TENT5B: variants seen among roughly 807,000 people sequenced by gnomAD.
The protein encoded by TENT5B is terminal nucleotidyltransferase 5B, also known as family with sequence similarity 46 member B.
In TENT5B, 12 loss-of-function variants were observed where a neutral mutation model predicts 21.7. The observed-to-expected ratio is 0.55, with a 90% CI of 0.36 to 0.90. The LOEUF (loss-of-function observed/expected upper bound fraction) is 0.90, where lower values mean the gene tolerates loss of function less well. Among genes scored for constraint, TENT5B ranks in the 40% least tolerant of loss-of-function variants. TENT5B has a pLI of 0.01. For synonymous variants in TENT5B, 262 were observed against 266.6 expected, an observed-to-expected ratio of 0.98 and a Z score of 0.17; for missense variants, 540 against 601.5, an observed-to-expected ratio of 0.90 and a Z score of 1.07.
At chr1:27,007,840 A>G (rs1482705157) in intron 1 of TENT5B, among the ~76,000 whole-genome samples, 1 of 152,138 alleles carries the variant, frequency 6.6e-6, no homozygotes, top group African/African-American at 2.4e-5. Flanking sequence ...TTTGAGTATT[A>G]TTTTGACTGA....
chr1:27,008,906 CTTT>C (rs71582831), intron 1 of TENT5B, among the ~76,000 whole-genome samples: 1 of 124,906 alleles, frequency 8.0e-6, no homozygotes, highest in South Asian at 2.7e-4. Context: ...CAGGCCAAGT[CTTT>C]TTTTTTTTAA....
chr1:27,007,808 T>C (rs1008810356), intron 1 of TENT5B, among the ~76,000 whole-genome samples: 5 of 152,162 alleles, frequency 3.3e-5, no homozygotes, highest in Admixed American at 2.0e-4. Flanking sequence ...ATGACCACAT[T>C]AACCCTCCCC....
In TENT5B at chr1:27,009,117, C is replaced by A. The variant is rs925770011; in HGVS notation, c.265-2160G>T. Among the ~76,000 whole-genome samples the A allele has an allele frequency of 2.0e-5, 3 of 149,670 alleles. No homozygotes were observed. In the Admixed American group the frequency reaches 2.0e-4, roughly 10 times the overall value. ...AAGTAGGTGGGACTACAGGTGCGTGCGTGCCACCACACCCAGCAATTTTTT... is the reference window on the plus strand; with the variant it reads ...AAGTAGGTGGGACTACAGGTGCGTGAGTGCCACCACACCCAGCAATTTTTT... On this transcript the variant is annotated intron_variant, in intron 1 of 1. Coordinates refer to ENST00000289166, the MANE Select transcript of TENT5B (RefSeq NM_052943.4).
Position 27,006,987 on chromosome 1 carries a change from C to CA in TENT5B, c.265-31dup. ...AGGGGAGAGCAGGAAGGAGAGGTGT[C>CA]AGGAGCGGGCCTCAGGGGTCCACCA... On this transcript the variant is annotated intron_variant, in intron 1 of 1. Transcript: ENST00000289166. The surrounding 1 kb of genome is among the most constrained non-coding windows in gnomAD (Gnocchi z 9.4). 6.5e-7 allele frequency: 1 copy of CA among 1,543,346 alleles called. No homozygotes were observed. Among genetic ancestry groups the CA allele is most frequent in the South Asian group, 1.3e-5 (1 of 79,674 alleles).
At chr1:27,007,069 G>T in intron 1 of TENT5B, 112 bp from the exon 2 acceptor site, 2 of 425,706 alleles carry the variant, frequency 4.7e-6, no homozygotes, top group Non-Finnish European at 6.2e-6. Context: ...CTAACCAGCT[G>T]TTATGCCTTT....
rs761222752 is a variant in TENT5B, at chr1:27,007,006, T to C, written c.265-49A>G. The C allele has an allele frequency of 1.2e-5, 18 of 1,508,670 alleles. No individual in the cohort carries two copies. In the East Asian group the frequency reaches 4.1e-4, roughly 35 times the overall value. The allele number at this position is 1,508,670 out of a possible 1,614,324, so 93.5% of individuals were successfully genotyped here. On this transcript the variant is annotated intron_variant, in intron 1 of 1. Coordinates refer to ENST00000289166, the MANE Select transcript of TENT5B (RefSeq NM_052943.4). The stretch of plus-strand genomic sequence containing the variant: ...AGGTGTCAGGAGCGGGCCTCAGGGG[T>C]CCACCAAGGACTTCCGTTTACTTAT...
Position 27,006,090 on chromosome 1 carries a change from C to T in TENT5B, c.1132G>A (p.Ala378Thr). ...LIAALALQAL[A>T]EQGPAATAAL... is the part of the protein sequence containing the mutation. ...GCAGTGGCAGCTGGGCCCTGCTCAGCCAGTGCCTGCAGCGCCAGTGCGGCA... is the reference window on the plus strand; with the variant it reads ...GCAGTGGCAGCTGGGCCCTGCTCAGTCAGTGCCTGCAGCGCCAGTGCGGCA... The change falls in exon 2 of 2, where the codon GCT becomes ACT. Residue 378 changes from alanine (A) to threonine (T), a missense_variant. Transcript: ENST00000289166. This position sits in a 1 kb window ranked among gnomAD's most constrained non-coding sequence, Gnocchi z 9.4. 3 of 1,610,200 alleles carry T rather than the reference C, an allele frequency of 1.9e-6. No individual in the cohort carries two copies. The highest frequency in any genetic ancestry group is 2.5e-6 in the Non-Finnish European group (3 of 1,177,918).
chr1:27,006,886 G>T lies in TENT5B; in HGVS notation c.336C>A (p.Ser112Arg), dbSNP rs1271409105. The T allele has an allele frequency of 6.2e-7, 1 of 1,613,746 alleles. No individual in the cohort carries two copies. Among genetic ancestry groups the T allele is most frequent in the South Asian group, 1.1e-5 (1 of 91,060 alleles). ...GGCCACTCTCAGGGTGCAGCACGTG[G>T]CTGGCAGCTGAACCATGCAGCCGCA... ...HSVRLHGSAASHVLHPESGLG... is the reference protein window; with the variant it reads ...HSVRLHGSAARHVLHPESGLG... The change falls in exon 2 of 2, where the codon AGC becomes AGA. Residue 112 changes from serine (S) to arginine (R), a missense_variant. Ser to Arg is a moderately radical substitution (Grantham distance 110, BLOSUM62 -1). Transcript: ENST00000289166. This position sits in a 1 kb window ranked among gnomAD's most constrained non-coding sequence, Gnocchi z 9.4.
At chr1:27,011,479 G>A (rs1012508367) in intron 1 of TENT5B, among the ~76,000 whole-genome samples, 10 of 152,290 alleles carry the variant, frequency 6.6e-5, no homozygotes, top group Admixed American at 2.0e-4. Flanking sequence ...CTGCTCCTGG[G>A]AAGACCCAAA....
In TENT5B at chr1:27,012,837, C is replaced by CG. The variant is rs1251887678; in HGVS notation, c.-168dup. ...AACACCTCAGACGGCGACGACTAACCGACCCTAGCGCCTGCAGCCCGCGGC... is the reference window on the plus strand; with the variant it reads ...AACACCTCAGACGGCGACGACTAACCGGACCCTAGCGCCTGCAGCCCGCGGC... On this transcript the variant is annotated 5_prime_UTR_variant, in exon 1 of 2. Transcript: ENST00000289166. 9 of 904,944 alleles carry CG rather than the reference C, an allele frequency of 9.9e-6. No individual in the cohort carries two copies. In the Admixed American group the frequency reaches 1.2e-4, roughly 12 times the overall value. The allele number at this position is 904,944 out of a possible 1,614,324, so 56.1% of individuals were successfully genotyped here.
intron 1 of TENT5B, among the ~76,000 whole-genome samples, chr1:27,007,516 C>T (rs1341414856): frequency 2.0e-5 from 3 of 151,848 alleles, no homozygotes; most frequent in Non-Finnish European, 2.9e-5. Flanking sequence ...CTCAGCCTCC[C>T]GAGTAGTTGG....
chr1:27,012,312 T>C, intron 1 of TENT5B, 95 bp downstream of exon 1: 5 of 1,527,968 alleles, frequency 3.3e-6, no homozygotes, highest in South Asian at 2.4e-5. Flanking sequence ...TCAGTTTCCC[T>C]AGCTGTCTAG....
Position 27,012,409 on chromosome 1 carries a change from GCA to G in TENT5B, c.260_261del (p.Val87AlafsTer31). 1 of 1,612,030 alleles carries G rather than the reference GCA, an allele frequency of 6.2e-7. No individual in the cohort carries two copies. Among genetic ancestry groups the G allele is most frequent in the Non-Finnish European group, 8.5e-7 (1 of 1,179,522 alleles). On this transcript the variant is annotated frameshift_variant, in exon 1 of 2. Coordinates refer to ENST00000289166, the MANE Select transcript of TENT5B (RefSeq NM_052943.4). LOFTEE classifies it high-confidence loss of function. ...TCCCCCGCCTGGCGTCCTCTCACCT[GCA>G]CGATCTGCCGGGGCTGCACGCTCAG... ...PTLSVQPRQI[V>X]QVVRSTLEEQ...
chr1:27,012,385 C>T (rs2082628208), intron 1 of TENT5B, 22 bp downstream of exon 1: 5 of 1,604,832 alleles, frequency 3.1e-6, no homozygotes, highest in Non-Finnish European at 4.2e-6. Flanking sequence ...TCCCCCACAT[C>T]CCCCGCCTGG....
intron 1 of TENT5B, among the ~76,000 whole-genome samples, chr1:27,012,119 C>T (rs564674844): frequency 1.3e-5 from 2 of 152,276 alleles, no homozygotes; most frequent in African/African-American, 4.8e-5. Flanking sequence ...AATTCTTCCC[C>T]CAATGCCCTT....
At chr1:27,007,583 G>C (rs1050204557) in intron 1 of TENT5B, among the ~76,000 whole-genome samples, 1 of 151,952 alleles carries the variant, frequency 6.6e-6, no homozygotes, top group African/African-American at 2.4e-5. Flanking sequence ...GTAGAGACAG[G>C]GTTTCACCAT....
chr1:27,012,263 C>G, intron 1 of TENT5B, 144 bp downstream of exon 1: 1 of 1,316,530 alleles, frequency 7.6e-7, no homozygotes, highest in Non-Finnish European at 1.0e-6. Flanking sequence ...GTCTACCATT[C>G]ATAATGCTGT....
rs1452100655 is a variant in TENT5B at position 27,006,164 on chromosome 1, C to T, written c.1058G>A (p.Ser353Asn). The change falls in exon 2 of 2, where the codon AGC becomes AAC. Residue 353 changes from serine to asparagine, a missense_variant. Physicochemically the swap from Ser to Asn is conservative, Grantham distance 46 (BLOSUM62 1). Coordinates refer to ENST00000289166, the MANE Select transcript of TENT5B (RefSeq NM_052943.4). The surrounding 1 kb of genome is among the most constrained non-coding windows in gnomAD (Gnocchi z 9.4). The stretch of plus-strand genomic sequence containing the variant: ...CTCGTGGTTCATGAGGCACACGGTG[C>T]TCTCGTTGACCACCCGGTGCAGTGT... ...LVTLHRVVNE[S>N]TVCLMNHERR... The T allele has an allele frequency of 1.2e-6, 2 of 1,610,826 alleles. No individual in the cohort carries two copies. The highest frequency in any genetic ancestry group is 2.2e-5 in the South Asian group (2 of 90,812).
In TENT5B at chr1:27,012,671, C is replaced by T; in HGVS notation, c.-1G>A. 2 of 1,459,564 alleles carry T rather than the reference C, an allele frequency of 1.4e-6. No individual in the cohort carries two copies. Among genetic ancestry groups the T allele is most frequent in the Non-Finnish European group, 1.8e-6 (2 of 1,120,108 alleles). 90.4% of individuals were successfully genotyped at this position (1,459,564 alleles called of 1,614,324 possible). A position where few individuals can be genotyped will look rare whatever the true frequency, so the allele number is the denominator to read the frequency against. ...CAGCTCCGCTCTCCGACGGCATCAT[C>T]CGCCCGGCCCCCGGGCCCCGACGGC... On this transcript the variant is annotated 5_prime_UTR_variant, in exon 1 of 2. Transcript: ENST00000289166.
Sources: allele counts gnomAD v4.1 joint callset (sites outside exome capture counted in the v4.1 genomes callset), GRCh38; gene constraint gnomAD v4.1.1; non-coding constraint Gnocchi (gnomAD v3.1); transcripts MANE v1.5; gene names NCBI Gene and HGNC (gene_info 2026-07-23, HGNC 2026-07-21).